The following USP12 variants were observed in gnomAD, a reference collection of about 807,000 sequenced individuals.
USP12 encodes the protein ubiquitin specific peptidase 12.
A neutral mutation model predicts 45.5 loss-of-function variants in USP12; 19 were observed. The observed-to-expected ratio is 0.42, with a 90% CI of 0.29 to 0.61. The LOEUF is 0.61. Among genes scored for constraint, USP12 ranks in the 20% least tolerant of loss-of-function variants. The pLI is 0.22. For synonymous variants in USP12, 149 were observed against 148.8 expected, an observed-to-expected ratio of 1.00 and a Z score of -0.01; for missense variants, 242 against 447.7, an observed-to-expected ratio of 0.54 and a Z score of 4.15.
intron 2 of USP12, among the ~76,000 whole-genome samples, chr13:27,111,325 C>A (rs1464457242): frequency 6.6e-6 from 1 of 152,104 alleles, no homozygotes; most frequent in Admixed American, 6.5e-5. Flanking sequence ...AAGAGTAGAG[C>A]CTTCATGCAA....
At chr13:27,090,598 CTT>C (rs1056225398) in intron 4 of USP12, among the ~76,000 whole-genome samples, 5 of 152,016 alleles carry the variant, frequency 3.3e-5, no homozygotes, top group South Asian at 4.1e-4. Context: ...TTGTGACTGA[CTT>C]TATTTCTCCT....
chr13:27,126,468 T>C (rs1593197640), intron 1 of USP12, among the ~76,000 whole-genome samples: 1 of 152,204 alleles, frequency 6.6e-6, no homozygotes, highest in East Asian at 1.9e-4. Flanking sequence ...ACTCTTTCTT[T>C]AGGGGTATTT....
At chr13:27,099,124 T>G (rs1044995583) in intron 3 of USP12, among the ~76,000 whole-genome samples, 1 of 152,094 alleles carries the variant, frequency 6.6e-6, no homozygotes, top group Non-Finnish European at 1.5e-5. Context: ...ACATATATAT[T>G]TAAGTGCATA....
At position 27,097,955 on chromosome 13, in the gene USP12, T is replaced by C. The variant is rs1874670571; in HGVS notation, c.344-2125A>G. Reference sequence around the variant, plus strand: ...GAAATTCATTTGTTTCATATACACCTTATAGCCTGGAGGTAACTTTATATA... The same window carrying C: ...GAAATTCATTTGTTTCATATACACCCTATAGCCTGGAGGTAACTTTATATA... On this transcript the variant is annotated intron_variant, in intron 3 of 8. Coordinates refer to ENST00000282344, the MANE Select transcript of USP12 (RefSeq NM_182488.4). 5.9e-5 allele frequency among the ~76,000 whole-genome samples: 9 copies of C among 151,514 alleles called. No individual in the cohort carries two copies. The South Asian group carries it at 1.9e-3, about 32-fold the overall frequency.
At chr13:27,123,105 A>T (rs1000225838) in intron 1 of USP12, among the ~76,000 whole-genome samples, 2 of 151,912 alleles carry the variant, frequency 1.3e-5, no homozygotes, top group African/African-American at 4.8e-5. Flanking sequence ...AAAAAAAAAA[A>T]ATATTTTACA....
chr13:27,128,877 T>C (rs1369190042), intron 1 of USP12, among the ~76,000 whole-genome samples: 1 of 152,222 alleles, frequency 6.6e-6, no homozygotes, highest in Non-Finnish European at 1.5e-5. Context: ...ATCTGTAAAG[T>C]ACCTACCACT....
At chr13:27,169,576 T>C (rs1409852828) in intron 1 of USP12, among the ~76,000 whole-genome samples, 4 of 152,150 alleles carry the variant, frequency 2.6e-5, no homozygotes, top group Admixed American at 6.5e-5. Context: ...GCCAGGCATT[T>C]TCTGTATTTG....
chr13:27,170,377 T>C, intron 1 of USP12: 1 of 398,586 alleles, frequency 2.5e-6, no homozygotes, highest in Non-Finnish European at 4.4e-6. Flanking sequence ...GGAAAATTTC[T>C]TGGGGATCTC....
At chr13:27,137,036 A>G (rs1387957615) in intron 1 of USP12, among the ~76,000 whole-genome samples, 1 of 152,252 alleles carries the variant, frequency 6.6e-6, no homozygotes, top group African/African-American at 2.4e-5. Flanking sequence ...AGCAAAATAC[A>G]TGATTAACTG....
At chr13:27,090,951 T>C (rs1192167840) in intron 4 of USP12, among the ~76,000 whole-genome samples, 1 of 152,226 alleles carries the variant, frequency 6.6e-6, no homozygotes, top group Admixed American at 6.5e-5. Flanking sequence ...CAAGGTACTG[T>C]GCATAGTGTA....
At chr13:27,100,764 T>C (rs1417847131) in intron 3 of USP12, among the ~76,000 whole-genome samples, 3 of 152,000 alleles carry the variant, frequency 2.0e-5, no homozygotes, top group Non-Finnish European at 4.4e-5. Flanking sequence ...TGAAGAAAAG[T>C]TGGAAACCAA....
At chr13:27,139,451 A>G (rs1876954483) in intron 1 of USP12, among the ~76,000 whole-genome samples, 1 of 152,158 alleles carries the variant, frequency 6.6e-6, no homozygotes, top group African/African-American at 2.4e-5. Context: ...CCCCATCTCT[A>G]CTAAAAATAC....
intron 7 of USP12, among the ~76,000 whole-genome samples, chr13:27,074,786 A>C (rs1873401077): frequency 6.6e-6 from 1 of 152,240 alleles, no homozygotes; most frequent in African/African-American, 2.4e-5. Flanking sequence ...TCAAAAAATG[A>C]ATCTTTGAAG....
At chr13:27,069,467 A>C in intron 8 of USP12, 83 bp from the exon 9 acceptor site, 12 of 973,700 alleles carry the variant, frequency 1.2e-5, no homozygotes, top group Non-Finnish European at 1.8e-5. Flanking sequence ...TGACAATACC[A>C]AGTATTTGGT....
chr13:27,076,093 G>C (rs1215255316), intron 6 of USP12, among the ~76,000 whole-genome samples: 1 of 150,330 alleles, frequency 6.7e-6, no homozygotes, highest in Non-Finnish European at 1.5e-5. Context: ...CAATTCCTTT[G>C]GACTTGGGTA....
intron 1 of USP12, chr13:27,169,285 C>T (rs1041956340): frequency 6.6e-6 from 1 of 152,100 alleles, no homozygotes; most frequent in Non-Finnish European, 1.5e-5. Context: ...GTAAGGCTCC[C>T]TGCTTAAGAG....
chr13:27,122,618 C>G (rs1285429068), intron 1 of USP12, among the ~76,000 whole-genome samples: 2 of 151,638 alleles, frequency 1.3e-5, no homozygotes, highest in Non-Finnish European at 2.9e-5. Flanking sequence ...TGCCACTACA[C>G]CCCAGCCTGG....
intron 1 of USP12, among the ~76,000 whole-genome samples, chr13:27,141,012 CTTTTT>C (rs11455614): frequency 1.6e-5 from 2 of 122,576 alleles, no homozygotes; most frequent in South Asian, 2.6e-4. Flanking sequence ...TGTGAAGTCA[CTTTTT>C]TTTTTTTTTT....
chr13:27,110,615 G>C (rs17085198), intron 2 of USP12, among the ~76,000 whole-genome samples: 1 of 152,068 alleles, frequency 6.6e-6, no homozygotes, highest in Non-Finnish European at 1.5e-5. Flanking sequence ...AAAAAGAGGC[G>C]CTTAAGCTTA....
Sources: allele counts gnomAD v4.1 joint callset (sites outside exome capture counted in the v4.1 genomes callset), GRCh38; gene constraint gnomAD v4.1.1; transcripts MANE v1.5; gene names NCBI Gene and HGNC (gene_info 2026-07-23, HGNC 2026-07-21).